The following CDC42EP1 variants were observed in gnomAD, a reference collection of about 807,000 sequenced individuals.
CDC42EP1 encodes the protein CDC42 effector protein 1.
CDC42EP1 carries 6 observed loss-of-function variants against 7.4 expected under a neutral mutation model. The observed-to-expected ratio is 0.81, with a 90% CI of 0.44 to 1.60. CDC42EP1 has a LOEUF of 1.60. CDC42EP1 is among the 40% of genes most tolerant of loss of function. The pLI is 0.01. For synonymous variants in CDC42EP1, 238 were observed against 227.1 expected (o/e 1.05, Z -0.43); for missense variants, 567 against 539.0 (o/e 1.05, Z -0.51).
In CDC42EP1 at chr22:37,566,645, T is replaced by A; in HGVS notation, c.296T>A (p.Met99Lys). ...VRRVGAPPRR[M>K]ASPPAPSPAP... The stretch of plus-strand genomic sequence containing the variant: ...AGGGTGGGGGCGCCCCCCCGGAGGA[T>A]GGCATCTCCCCCTGCACCCTCCCCG... Residue 99 changes from methionine (M) to lysine (K), a missense_variant, in exon 2 of 3, where the codon ATG (methionine) becomes AAG (lysine). Physicochemically the swap from Met to Lys is moderately conservative, Grantham distance 95. Coordinates refer to ENST00000249014, the MANE Select transcript of CDC42EP1 (RefSeq NM_152243.3). The surrounding 1 kb of genome is among the most constrained non-coding windows in gnomAD (Gnocchi z 6.4). 1 of 1,597,948 alleles carries A rather than the reference T, an allele frequency of 6.3e-7. No individual in the cohort carries two copies. The highest frequency in any genetic ancestry group is 8.5e-7 in the Non-Finnish European group (1 of 1,170,510).
chr22:37,566,320 T>G lies in CDC42EP1; in HGVS notation c.-30T>G, dbSNP rs1335133380. ...TCCCTCCCCCGGCCCCTGGTAGGCA[T>G]GGACTAGCAGCTGTGAGCAGCCAGA... On this transcript the variant is annotated 5_prime_UTR_variant, in exon 2 of 3. An upstream start codon of the reference 5' UTR is lost. Transcript: ENST00000249014. The surrounding 1 kb of genome is among the most constrained non-coding windows in gnomAD (Gnocchi z 6.4). 6.3e-6 allele frequency: 4 copies of G among 632,182 alleles called. No individual in the cohort carries two copies. Among genetic ancestry groups the G allele is most frequent in the East Asian group, 7.1e-5 (1 of 14,118 alleles). 39.2% of individuals were successfully genotyped at this position (632,182 alleles called of 1,614,324 possible).
Position 37,568,585 on chromosome 22 carries a change from G to A in CDC42EP1, c.941G>A (p.Gly314Asp). 1 of 1,601,812 alleles carries A rather than the reference G, an allele frequency of 6.2e-7. No individual in the cohort carries two copies. The highest frequency in any genetic ancestry group is 8.5e-7 in the Non-Finnish European group (1 of 1,174,652). The change falls in exon 3 of 3, where the codon GGC becomes GAC. Residue 314 changes from glycine to aspartate, a missense_variant. Coordinates refer to ENST00000249014, the MANE Select transcript of CDC42EP1 (RefSeq NM_152243.3). Reference sequence around the variant, plus strand: ...GGAGGGGGTCCCCGAGGACCTGCTGGCCCTGCCCTCGGCAGGCACTGGGGA... The same window carrying A: ...GGAGGGGGTCCCCGAGGACCTGCTGACCCTGCCCTCGGCAGGCACTGGGGA... ...PVGGGPRGPA[G>D]PALGRHWGAG...
chr22:37,562,830 A>C (rs1925095281), intron 1 of CDC42EP1, among the ~76,000 whole-genome samples: 1 of 152,158 alleles, frequency 6.6e-6, no homozygotes, highest in Non-Finnish European at 1.5e-5. Context: ...CAGGGAGGCC[A>C]GGTGTGGTGG....
intron 1 of CDC42EP1, among the ~76,000 whole-genome samples, chr22:37,563,453 G>A (rs972572757): frequency 1.3e-5 from 2 of 152,090 alleles, no homozygotes; most frequent in Admixed American, 6.6e-5. Context: ...AGGACTTCTC[G>A]GTGCCGGGGG....
At chr22:37,568,014 A>G in intron 2 of CDC42EP1, 94 bp from the exon 3 acceptor site, 1 of 1,059,984 alleles carries the variant, frequency 9.4e-7, no homozygotes, top group Non-Finnish European at 1.4e-6. Context: ...GACTAGCCAG[A>G]GGCCACACAG....
chr22:37,563,268 G>T lies in CDC42EP1; in HGVS notation c.-279+2680G>T, dbSNP rs1925111979. On this transcript the variant is annotated intron_variant, in intron 1 of 2. Coordinates refer to ENST00000249014, the MANE Select transcript of CDC42EP1 (RefSeq NM_152243.3). Reference sequence around the variant, plus strand: ...AATCCCTGCTGAGCAGGGAAACTTGGCCCTGCCATGAACCTGTCACTTAAC... The same window carrying T: ...AATCCCTGCTGAGCAGGGAAACTTGTCCCTGCCATGAACCTGTCACTTAAC... Among the ~76,000 whole-genome samples the T allele has an allele frequency of 2.0e-5, 3 of 152,158 alleles. No individual in the cohort carries two copies. In the South Asian group the frequency reaches 6.2e-4, roughly 32 times the overall value.
chr22:37,568,863 C>T lies in CDC42EP1; in HGVS notation c.*43C>T, dbSNP rs752566071. 1.2e-5 allele frequency: 16 copies of T among 1,343,220 alleles called. No homozygotes were observed. The highest frequency in any genetic ancestry group is 2.6e-5 in the East Asian group (1 of 39,114). The allele number at this position is 1,343,220 out of a possible 1,614,324, so 83.2% of individuals were successfully genotyped here. ...CCAGGGCCCCACCTAGGTGCAGAGCCGGCCCCTCACCTAACAGCTGGTTCC... is the reference window on the plus strand; with the variant it reads ...CCAGGGCCCCACCTAGGTGCAGAGCTGGCCCCTCACCTAACAGCTGGTTCC... On this transcript the variant is annotated 3_prime_UTR_variant, in exon 3 of 3. Transcript: ENST00000249014.
chr22:37,567,735 T>C (rs1925296496), intron 2 of CDC42EP1, among the ~76,000 whole-genome samples: 1 of 152,226 alleles, frequency 6.6e-6, no homozygotes, highest in South Asian at 2.1e-4. Context: ...GCCAGCGTCA[T>C]GGCAGGGAGC....
rs142182487 is a variant in CDC42EP1 at position 37,568,760 on chromosome 22, A to T, written c.1116A>T (p.Thr372=). 6.6e-7 allele frequency: 1 copy of T among 1,506,126 alleles called. No individual in the cohort carries two copies. Among genetic ancestry groups the T allele is most frequent in the Non-Finnish European group, 8.9e-7 (1 of 1,127,342 alleles). The allele number at this position is 1,506,126 out of a possible 1,614,324, so 93.3% of individuals were successfully genotyped here. ...GCAGCAGGACCCCAGTGCCCAGCAC[A>T]GTGCAAGCAAACACCTTTGAATTTG... is the stretch of plus-strand genomic sequence containing the variant. ...QAGSRTPVPS[T]VQANTFEFAD... The change falls in exon 3 of 3, where the codon ACA becomes ACT. Residue 372 remains threonine, a synonymous_variant. Coordinates refer to ENST00000249014, the MANE Select transcript of CDC42EP1 (RefSeq NM_152243.3).
intron 1 of CDC42EP1, among the ~76,000 whole-genome samples, chr22:37,564,188 A>C (rs1925143830): frequency 6.6e-6 from 1 of 151,880 alleles, no homozygotes; most frequent in Non-Finnish European, 1.5e-5. Context: ...TGACACTAGA[A>C]GGAAAGGGGT....
intron 2 of CDC42EP1, 108 bp from the exon 3 acceptor site, chr22:37,568,000 G>C: frequency 1.1e-6 from 1 of 874,112 alleles, no homozygotes; most frequent in East Asian, 2.4e-5. Flanking sequence ...CCAGAGAGGG[G>C]AGGGACTAGC....
Position 37,566,438 on chromosome 22 carries a change from A to G in CDC42EP1, c.89A>G (p.Lys30Arg). 1 of 1,610,908 alleles carries G rather than the reference A, an allele frequency of 6.2e-7. No homozygotes were observed. The highest frequency in any genetic ancestry group is 2.2e-5 in the East Asian group (1 of 44,746). The change falls in exon 2 of 3, where the codon AAG (lysine) becomes AGG (arginine). Residue 30 changes from lysine to arginine, a missense_variant. Lys to Arg is a conservative substitution (Grantham distance 26). Transcript: ENST00000249014. The surrounding 1 kb of genome is among the most constrained non-coding windows in gnomAD (Gnocchi z 6.4). The stretch of plus-strand genomic sequence containing the variant: ...GGCTGGGTGTCCAGTTCACAGGGAA[A>G]GAGGCGGCTGACTGCAGACATGATC... The part of the protein sequence containing the change: ...PVGWVSSSQG[K>R]RRLTADMISH...
intron 1 of CDC42EP1, among the ~76,000 whole-genome samples, chr22:37,564,879 A>C (rs768800803): frequency 1.7e-4 from 26 of 152,166 alleles, no homozygotes; most frequent in Admixed American, 3.3e-4. Flanking sequence ...CCCGGGTTCA[A>C]GCAATTCTCC....
In CDC42EP1 at chr22:37,560,581, G is replaced by A. The variant is rs1410666577; in HGVS notation, c.-286G>A. 6.7e-6 allele frequency: 1 copy of A among 150,160 alleles called. No individual in the cohort carries two copies. Among genetic ancestry groups the A allele is most frequent in the Non-Finnish European group, 1.5e-5 (1 of 67,156 alleles). The allele number at this position is 150,160 out of a possible 1,614,324, so 9.3% of individuals were successfully genotyped here. ...CTCGTCCCGCGCCCCCGGGGCTCGCGGAGCCAGGTAACAGCCCGGGCGCGC... is the reference window on the plus strand; with the variant it reads ...CTCGTCCCGCGCCCCCGGGGCTCGCAGAGCCAGGTAACAGCCCGGGCGCGC... On this transcript the variant is annotated 5_prime_UTR_variant, in exon 1 of 3. Coordinates refer to ENST00000249014, the MANE Select transcript of CDC42EP1 (RefSeq NM_152243.3).
Position 37,566,773 on chromosome 22 carries a change from A to G in CDC42EP1, c.424A>G (p.Ser142Gly), listed in dbSNP as rs1480164089. The G allele has an allele frequency of 6.3e-7, 1 of 1,585,344 alleles. No individual in the cohort carries two copies. The highest frequency in any genetic ancestry group is 1.8e-5 in the Admixed American group (1 of 55,230). Residue 142 changes from serine to glycine, a missense_variant, in exon 2 of 3, where the codon AGC becomes GGC. Physicochemically the swap from Ser to Gly is moderately conservative, Grantham distance 56 (BLOSUM62 0). Coordinates refer to ENST00000249014, the MANE Select transcript of CDC42EP1 (RefSeq NM_152243.3). This position sits in a 1 kb window ranked among gnomAD's most constrained non-coding sequence, Gnocchi z 6.4. ...SLVVGKLSFD[S>G]SPTSSTDGHS... The stretch of plus-strand genomic sequence containing the variant: ...CGTGGTTGGCAAGCTCAGCTTCGAC[A>G]GCAGCCCCACCAGCTCCACGGACGG...
intron 1 of CDC42EP1, among the ~76,000 whole-genome samples, chr22:37,564,009 C>T (rs1925137508): frequency 6.6e-6 from 1 of 152,232 alleles, no homozygotes; most frequent in African/African-American, 2.4e-5. Flanking sequence ...CATTGCCGAT[C>T]TCGGGAGGCG....
intron 1 of CDC42EP1, among the ~76,000 whole-genome samples, chr22:37,561,935 C>T (rs183185984): frequency 5.5e-4 from 84 of 152,360 alleles, no homozygotes; most frequent in African/African-American, 1.9e-3. Flanking sequence ...AAAACTTGTT[C>T]TTGCGTCATT....
rs1258226702 is a variant in CDC42EP1 at position 37,568,541 on chromosome 22, G to A, written c.897G>A (p.Glu299=). 6.2e-7 allele frequency: 1 copy of A among 1,609,664 alleles called. No homozygotes were observed. The highest frequency in any genetic ancestry group is 8.5e-7 in the Non-Finnish European group (1 of 1,178,194). Residue 299 remains glutamate, a synonymous_variant, in exon 3 of 3, where the codon GAG becomes GAA. Transcript: ENST00000249014. Reference sequence around the variant, plus strand: ...CAGCTGGGTTGGGCCCAGTGGCTGAGGTGAAGTCCAGCCCAGTGGGAGGGG... The same window carrying A: ...CAGCTGGGTTGGGCCCAGTGGCTGAAGTGAAGTCCAGCCCAGTGGGAGGGG... The part of the protein sequence containing the change: ...GVTAGLGPVA[E]VKSSPVGGGP...
chr22:37,568,730 G>C lies in CDC42EP1; in HGVS notation c.1086G>C (p.Gln362His). The C allele has an allele frequency of 6.6e-7, 1 of 1,524,430 alleles. No homozygotes were observed. The highest frequency in any genetic ancestry group is 8.8e-7 in the Non-Finnish European group (1 of 1,137,438). The allele number at this position is 1,524,430 out of a possible 1,614,324, so 94.4% of individuals were successfully genotyped here. ...ESLDEEWRAP[Q>H]AGSRTPVPST... The stretch of plus-strand genomic sequence containing the variant: ...TGGACGAAGAGTGGAGGGCGCCCCA[G>C]GCAGGCAGCAGGACCCCAGTGCCCA... Residue 362 changes from glutamine (Q) to histidine (H), a missense_variant, in exon 3 of 3, where the codon CAG becomes CAC. Gln to His is a conservative substitution (Grantham distance 24, BLOSUM62 0). Transcript: ENST00000249014.
Sources: gnomAD v4.1 joint callset for allele counts (sites outside exome capture counted in the v4.1 genomes callset) on GRCh38, gnomAD v4.1.1 for gene constraint, Gnocchi (gnomAD v3.1) non-coding constraint, MANE v1.5 for transcripts, NCBI Gene and HGNC (gene_info 2026-07-23, HGNC 2026-07-21) for gene names.